ARNT2: variants seen among roughly 807,000 people sequenced by gnomAD.
ARNT2 encodes the protein aryl hydrocarbon receptor nuclear translocator 2.
In ARNT2, 36 loss-of-function variants were observed where a neutral mutation model predicts 91.7. The ratio of observed to expected loss-of-function variants is 0.39; its 90% CI spans 0.30 to 0.52. ARNT2 has a LOEUF of 0.52. ARNT2 is among the 20% of genes least tolerant of loss of function. The probability of loss-of-function intolerance (pLI) is 0.72; values close to 1 mark genes in which losing one functional copy is unlikely to be tolerated. For synonymous variants in ARNT2, 365 were observed against 347.1 expected (o/e 1.05, Z -0.57); for missense variants, 775 against 939.3 (o/e 0.83, Z 2.29).
At chr15:80,475,749 A>G (rs964932015) in intron 5 of ARNT2, among the ~76,000 whole-genome samples, 7 of 152,186 alleles carry the variant, frequency 4.6e-5, no homozygotes, top group Non-Finnish European at 1.0e-4. Flanking sequence ...AGTATACATT[A>G]CCACTAGAGG....
rs1326668677 is a variant in ARNT2, at chr15:80,470,316, G to A, written c.293G>A (p.Arg98Gln). Residue 98 changes from arginine to glutamine, a missense_variant, in exon 4 of 19, where the codon CGG becomes CAG. Transcript: ENST00000303329. ...DMVPTCSALA[R>Q]KPDKLTILRM... ...GTCCCCACATGCAGCGCACTGGCTCGGAAGCCAGACAAGCTCACCATCCTC... is the reference window on the plus strand; with the variant it reads ...GTCCCCACATGCAGCGCACTGGCTCAGAAGCCAGACAAGCTCACCATCCTC... The A allele has an allele frequency of 6.2e-7, 1 of 1,614,006 alleles. No homozygotes were observed.
intron 8 of ARNT2, among the ~76,000 whole-genome samples, chr15:80,550,868 C>T (rs1338725018): frequency 6.6e-6 from 1 of 152,220 alleles, no homozygotes; most frequent in Non-Finnish European, 1.5e-5. Context: ...AGCTGAAAGA[C>T]CCATATTGGC....
chr15:80,453,753 A>T (rs1896438707), intron 2 of ARNT2, among the ~76,000 whole-genome samples: 1 of 152,102 alleles, frequency 6.6e-6, no homozygotes, highest in Non-Finnish European at 1.5e-5. Flanking sequence ...TCCATCTGAG[A>T]ATGTGGGACA....
In ARNT2 at chr15:80,591,499, T is replaced by A; in HGVS notation, c.1919-69T>A. ...GAAGCGGGAGGCCCTCCAGCCGCAG[T>A]GGTTCTTAGGTCTCACAGAACCACG... On this transcript the variant is annotated intron_variant, in intron 17 of 18. Transcript: ENST00000303329. This position sits in a 1 kb window ranked among gnomAD's most constrained non-coding sequence, Gnocchi z 5.1. 1.3e-6 allele frequency: 2 copies of A among 1,594,598 alleles called. No individual in the cohort carries two copies. Among genetic ancestry groups the A allele is most frequent in the Non-Finnish European group, 1.7e-6 (2 of 1,165,930 alleles).
intron 8 of ARNT2, among the ~76,000 whole-genome samples, chr15:80,541,081 G>A (rs1248063999): frequency 6.6e-6 from 1 of 152,198 alleles, no homozygotes; most frequent in East Asian, 1.9e-4. Context: ...TTCCACAGTG[G>A]CTGAACTAAT....
chr15:80,449,657 T>G (rs1896358297), intron 1 of ARNT2, among the ~76,000 whole-genome samples: 1 of 152,238 alleles, frequency 6.6e-6, no homozygotes, highest in South Asian at 2.1e-4. Flanking sequence ...TGTAAAATTC[T>G]TCTTCAAGAG....
At chr15:80,452,416 G>C (rs143501723) in intron 2 of ARNT2, among the ~76,000 whole-genome samples, 2 of 152,200 alleles carry the variant, frequency 1.3e-5, no homozygotes, top group Admixed American at 1.3e-4. Context: ...AAATGATGTG[G>C]CTCACCGCTG....
At chr15:80,559,485 A>G (rs1167008819) in intron 11 of ARNT2, among the ~76,000 whole-genome samples, 1 of 152,338 alleles carries the variant, frequency 6.6e-6, no homozygotes, top group Admixed American at 6.5e-5. Context: ...GATAAAGGGA[A>G]GTGGCTTCTT....
intron 5 of ARNT2, among the ~76,000 whole-genome samples, chr15:80,503,643 T>TTACAC (rs1185960577): frequency 6.6e-6 from 1 of 152,200 alleles, no homozygotes; most frequent in Admixed American, 6.5e-5. Context: ...AAGTGACAAT[T>TTACAC]TACACTAACA....
intron 8 of ARNT2, among the ~76,000 whole-genome samples, chr15:80,518,568 G>A (rs1017299103): frequency 6.6e-6 from 1 of 152,024 alleles, no homozygotes; most frequent in African/African-American, 2.4e-5. Flanking sequence ...CAGGAACCAT[G>A]GCTCCTGGCT....
chr15:80,532,637 G>A (rs973211857), intron 8 of ARNT2, among the ~76,000 whole-genome samples: 2 of 152,146 alleles, frequency 1.3e-5, no homozygotes, highest in African/African-American at 4.8e-5. Context: ...GGGAGAGAGA[G>A]GAAGAAGCAC....
At chr15:80,546,622 A>G (rs1897995076) in intron 8 of ARNT2, among the ~76,000 whole-genome samples, 1 of 152,236 alleles carries the variant, frequency 6.6e-6, no homozygotes, top group Admixed American at 6.5e-5. Context: ...CTGCAAAGGA[A>G]CATCTCGACT....
chr15:80,563,821 C>T (rs1424414304), intron 12 of ARNT2, among the ~76,000 whole-genome samples: 1 of 152,210 alleles, frequency 6.6e-6, no homozygotes, highest in Non-Finnish European at 1.5e-5. Context: ...GTTAGCAGAC[C>T]TCACACCACT....
At chr15:80,534,230 T>C (rs570715541) in intron 8 of ARNT2, among the ~76,000 whole-genome samples, 1 of 152,314 alleles carries the variant, frequency 6.6e-6, no homozygotes, top group East Asian at 1.9e-4. Context: ...CTTTCTGGCA[T>C]TGTTTGAGAA....
At chr15:80,468,602 C>T (rs1896690522) in intron 3 of ARNT2, among the ~76,000 whole-genome samples, 1 of 152,108 alleles carries the variant, frequency 6.6e-6, no homozygotes, top group Non-Finnish European at 1.5e-5. Flanking sequence ...CTCCTCCCTA[C>T]CCCTTCTAGC....
At chr15:80,504,254 G>A (rs1897240256) in intron 5 of ARNT2, among the ~76,000 whole-genome samples, 1 of 152,340 alleles carries the variant, frequency 6.6e-6, no homozygotes, top group African/African-American at 2.4e-5. Flanking sequence ...GTTCTTAGCT[G>A]TTGTCTCAGT....
chr15:80,426,512 T>C lies in ARNT2; in HGVS notation c.31+21966T>C, dbSNP rs1895934022. Reference sequence around the variant, plus strand: ...CAAAACACAGTCTCTCAATTGCCCCTGTGTCCCAAGGCTGCTGCATGGGAG... The same window carrying C: ...CAAAACACAGTCTCTCAATTGCCCCCGTGTCCCAAGGCTGCTGCATGGGAG... On this transcript the variant is annotated intron_variant, in intron 1 of 18. Transcript: ENST00000303329. Among the ~76,000 whole-genome samples the C allele has an allele frequency of 2.6e-5, 4 of 152,272 alleles. No homozygotes were observed. In the South Asian group the frequency reaches 8.3e-4, roughly 32 times the overall value.
At chr15:80,503,418 C>T (rs76885572) in intron 5 of ARNT2, among the ~76,000 whole-genome samples, 11,797 of 152,252 alleles carry the variant, frequency 0.077, 477 homozygotes, top group Middle Eastern at 0.13. Flanking sequence ...TCCAAGGAAA[C>T]CGGAGAAGCA....
At chr15:80,496,591 G>C (rs371839839) in intron 5 of ARNT2, among the ~76,000 whole-genome samples, 16 of 152,200 alleles carry the variant, frequency 1.1e-4, no homozygotes, top group African/African-American at 3.6e-4. Context: ...TCCCTGCCTG[G>C]ATAACCATAT....
Sources: allele counts gnomAD v4.1 joint callset (sites outside exome capture counted in the v4.1 genomes callset), GRCh38; gene constraint gnomAD v4.1.1; non-coding constraint Gnocchi (gnomAD v3.1); transcripts MANE v1.5; gene names NCBI Gene and HGNC (gene_info 2026-07-23, HGNC 2026-07-21).